ZNF529: variants seen among roughly 807,000 people sequenced by gnomAD.
ZNF529 encodes zinc finger protein 529.
Under a neutral mutation model 10.1 loss-of-function variants are expected in ZNF529, and 11 were observed. The observed-to-expected ratio is 1.09, with a 90% CI of 0.69 to 1.81. The LOEUF is 1.81. ZNF529 is among the 40% of genes most tolerant of loss of function. The probability of loss-of-function intolerance (pLI) is 0.00; values close to 1 mark genes in which losing one functional copy is unlikely to be tolerated. For missense variants in ZNF529, 624 were observed against 666.8 expected, an observed-to-expected ratio of 0.94 and a Z score of 0.71; for synonymous variants, 204 against 215.7, an observed-to-expected ratio of 0.95 and a Z score of 0.47.
At chr19:36,603,638 T>C (rs767983729) in intron 1 of ZNF529, among the ~76,000 whole-genome samples, 1 of 152,198 alleles carries the variant, frequency 6.6e-6, no homozygotes, top group Non-Finnish European at 1.5e-5. Flanking sequence ...CAGCCTTTCT[T>C]GGAGCCCAGA....
chr19:36,582,743 A>G (rs1201718054), intron 2 of ZNF529: 1 of 151,456 alleles, frequency 6.6e-6, no homozygotes, highest in Non-Finnish European at 1.5e-5. Flanking sequence ...GCATAAATCA[A>G]TTAAGTAGAA....
At chr19:36,599,456 T>A (rs888011548) in intron 1 of ZNF529, among the ~76,000 whole-genome samples, 2 of 152,216 alleles carry the variant, frequency 1.3e-5, no homozygotes, top group African/African-American at 4.8e-5. Context: ...ATGACTGATT[T>A]GAATTTCTTT....
rs778403820 is a variant in ZNF529 at position 36,556,210 on chromosome 19, T to G, written c.15-13A>C. On this transcript the variant is annotated splice_polypyrimidine_tract_variant and intron_variant, in intron 2 of 4. Coordinates refer to ENST00000591340, the MANE Select transcript of ZNF529 (RefSeq NM_020951.5). Reference sequence around the variant, plus strand: ...ATCCCCAATGAAACTGTAAAAATTATTTTTTAAGAAAGAACCACCATTAAA... The same window carrying G: ...ATCCCCAATGAAACTGTAAAAATTAGTTTTTAAGAAAGAACCACCATTAAA... The G allele has an allele frequency of 1.0e-6, 1 of 992,486 alleles. No homozygotes were observed. Among genetic ancestry groups the G allele is most frequent in the Non-Finnish European group, 1.6e-6 (1 of 636,350 alleles). The allele number at this position is 992,486 out of a possible 1,614,324, so 61.5% of individuals were successfully genotyped here. A position where few individuals can be genotyped will look rare whatever the true frequency, so the allele number is the denominator to read the frequency against.
intron 2 of ZNF529, among the ~76,000 whole-genome samples, chr19:36,569,233 C>T (rs1018052315): frequency 2.9e-4 from 44 of 151,928 alleles, no homozygotes; most frequent in African/African-American, 1.1e-3. Context: ...CTTCAAATGC[C>T]CAGTTTTCAA....
rs79657023 is a variant in ZNF529 at position 36,558,501 on chromosome 19, T to G, written c.15-2304A>C. Among the ~76,000 whole-genome samples the G allele has an allele frequency of 5.6e-3, 850 of 152,022 alleles. 26 individuals are homozygous for G. Among genetic ancestry groups the G allele is most frequent in the Admixed American group, 0.038 (575 of 15,246 alleles). On this transcript the variant is annotated intron_variant, in intron 2 of 4. Transcript: ENST00000591340. ...CTGCTGATTTCTCATCAGAAAAAAA[T>G]GAAGGCCAGAAGGCAGTGGGATGAT...
intron 3 of ZNF529, 42 bp from the exon 4 acceptor site, chr19:36,554,838 A>T: frequency 6.8e-7 from 1 of 1,472,478 alleles, no homozygotes; most frequent in South Asian, 1.4e-5. Context: ...AATTTAAGGA[A>T]ATATTTTTGA....
At chr19:36,599,865 C>CTT (rs888031537) in intron 1 of ZNF529, among the ~76,000 whole-genome samples, 21 of 144,732 alleles carry the variant, frequency 1.5e-4, no homozygotes, top group Non-Finnish European at 6.1e-5. Flanking sequence ...CTTGCACATT[C>CTT]TTTTTTTTTT....
At chr19:36,582,575 G>C (rs1403209182) in intron 2 of ZNF529, 1 of 152,020 alleles carries the variant, frequency 6.6e-6, no homozygotes, top group Non-Finnish European at 1.5e-5. Context: ...AGTTGTGGCA[G>C]GCGCCGCCTG....
intron 2 of ZNF529, among the ~76,000 whole-genome samples, chr19:36,569,722 T>C (rs1349336823): frequency 2.6e-5 from 4 of 152,076 alleles, no homozygotes; most frequent in Non-Finnish European, 4.4e-5. Flanking sequence ...TGAGTCAAGA[T>C]CACACAACTG....
At position 36,544,386 on chromosome 19, in the gene ZNF529, T is replaced by C. The variant is rs2034938695; in HGVS notation, c.*2480A>G. 6.6e-6 allele frequency: 1 copy of C among 152,196 alleles called. No homozygotes were observed. The highest frequency in any genetic ancestry group is 1.5e-5 in the Non-Finnish European group (1 of 68,036). 9.4% of individuals were successfully genotyped at this position (152,196 alleles called of 1,614,324 possible). On this transcript the variant is annotated 3_prime_UTR_variant, in exon 5 of 5. Coordinates refer to ENST00000591340, the MANE Select transcript of ZNF529 (RefSeq NM_020951.5). ...AAAAGTAAAAGCCAAGACACAAGGA[T>C]ATTTTGTTTCTCTCACTAATTTTAA...
intron 1 of ZNF529, among the ~76,000 whole-genome samples, chr19:36,596,340 G>A (rs541087434): frequency 6.6e-6 from 1 of 151,790 alleles, no homozygotes; most frequent in Non-Finnish European, 1.5e-5. Context: ...CTAAGGTGCT[G>A]GGATTACAGA....
intron 1 of ZNF529, among the ~76,000 whole-genome samples, chr19:36,599,501 A>C (rs1419549912): frequency 8.5e-5 from 13 of 152,228 alleles, no homozygotes; most frequent in Admixed American, 8.5e-4. Flanking sequence ...TCTCTCATTC[A>C]AATGACTAAT....
At chr19:36,588,578 A>C (rs947213576) in intron 2 of ZNF529, among the ~76,000 whole-genome samples, 5 of 152,112 alleles carry the variant, frequency 3.3e-5, no homozygotes, top group Non-Finnish European at 7.4e-5. Flanking sequence ...GTGCTATTCT[A>C]CCTCAGGAAC....
intron 2 of ZNF529, among the ~76,000 whole-genome samples, chr19:36,568,477 T>TC (rs34708217): frequency 0.22 from 32,175 of 149,540 alleles, 3,516 homozygotes; most frequent in South Asian, 0.35. Context: ...TTTCTTTCTT[T>TC]TTTTTTTTTT....
rs1238627030 is a variant in ZNF529 at position 36,547,510 on chromosome 19, T to A, written c.1048A>T (p.Ser350Cys). 6.2e-7 allele frequency: 1 copy of A among 1,613,390 alleles called. No individual in the cohort carries two copies. Among genetic ancestry groups the A allele is most frequent in the East Asian group, 2.2e-5 (1 of 44,854 alleles). The change falls in exon 5 of 5, where the codon AGT becomes TGT. Residue 350 changes from serine (S) to cysteine (C), a missense_variant. Ser to Cys is a moderately radical substitution (Grantham distance 112). Transcript: ENST00000591340. ...CTCTGATGTTCAATGAGCTGTGAACTAATTCTAAAAACCTTCTCACAGTGC... is the reference window on the plus strand; with the variant it reads ...CTCTGATGTTCAATGAGCTGTGAACAAATTCTAAAAACCTTCTCACAGTGC... Reference protein sequence around the residue: ...CMHCEKVFRISSQLIEHQRIH... With the variant: ...CMHCEKVFRICSQLIEHQRIH...
intron 1 of ZNF529, among the ~76,000 whole-genome samples, chr19:36,599,320 T>C (rs569471416): frequency 6.6e-6 from 1 of 152,344 alleles, no homozygotes; most frequent in East Asian, 1.9e-4. Context: ...GTTCTCCTGG[T>C]AATTATGCAT....
chr19:36,556,086 G>C lies in ZNF529; in HGVS notation c.108+18C>G. On this transcript the variant is annotated intron_variant, in intron 3 of 4. Coordinates refer to ENST00000591340, the MANE Select transcript of ZNF529 (RefSeq NM_020951.5). ...GAAAAAGGAAATATCACAAAGAAAA[G>C]AGAAGTAGTTAACTTACATGGTCCA... is the stretch of plus-strand genomic sequence containing the variant. The C allele has an allele frequency of 6.5e-7, 1 of 1,549,488 alleles. No individual in the cohort carries two copies. The highest frequency in any genetic ancestry group is 8.7e-7 in the Non-Finnish European group (1 of 1,146,056).
chr19:36,557,299 A>T (rs1048103628), intron 2 of ZNF529, among the ~76,000 whole-genome samples: 1 of 152,178 alleles, frequency 6.6e-6, no homozygotes, highest in African/African-American at 2.4e-5. Flanking sequence ...ACTTCACTAA[A>T]ATAATCCAGA....
chr19:36,557,923 T>C (rs1447642103), intron 2 of ZNF529, among the ~76,000 whole-genome samples: 1 of 152,050 alleles, frequency 6.6e-6, no homozygotes, highest in Non-Finnish European at 1.5e-5. Flanking sequence ...AAGGAAACCA[T>C]AAAGAAGTAA....
Sources: allele counts gnomAD v4.1 joint callset (sites outside exome capture counted in the v4.1 genomes callset), GRCh38; gene constraint gnomAD v4.1.1; transcripts MANE v1.5; gene names NCBI Gene and HGNC (gene_info 2026-07-23, HGNC 2026-07-21).